The following NTNG2 variants were observed in gnomAD, a reference collection of about 807,000 sequenced individuals.
NTNG2 encodes netrin G2.
Under a neutral mutation model 47.6 loss-of-function variants are expected in NTNG2, and 15 were observed. The ratio of observed to expected loss-of-function variants is 0.32; its 90% CI spans 0.21 to 0.49. NTNG2 has a LOEUF of 0.49. NTNG2 is among the 20% of genes least tolerant of loss of function. NTNG2 has a pLI of 0.99. For synonymous variants in NTNG2, 307 were observed against 324.6 expected (o/e 0.95, Z 0.58); for missense variants, 578 against 764.6 (o/e 0.76, Z 2.88).
intron 2 of NTNG2, among the ~76,000 whole-genome samples, chr9:132,186,984 T>G (rs1484860162): frequency 1.3e-5 from 2 of 152,208 alleles, no homozygotes; most frequent in African/African-American, 4.8e-5. Flanking sequence ...CCTAAAGTGC[T>G]CCCTTTCCTC....
chr9:132,218,448 A>C lies in NTNG2; in HGVS notation c.858-8401A>C, dbSNP rs113131636. 0.012 allele frequency among the ~76,000 whole-genome samples: 1,882 copies of C among 152,072 alleles called. 28 individuals carry two copies. Among genetic ancestry groups the C allele is most frequent in the African/African-American group, 0.042 (1,735 of 41,468 alleles). On this transcript the variant is annotated intron_variant, in intron 3 of 7. Coordinates refer to ENST00000393229, the MANE Select transcript of NTNG2 (RefSeq NM_032536.4). The surrounding 1 kb of genome is among the most constrained non-coding windows in gnomAD (Gnocchi z 5.4). The stretch of plus-strand genomic sequence containing the variant: ...CACGCATCAGCTGTCTACCCAGGAG[A>C]CTTCCTTTGAGGCACAATGTGATAG...
intron 6 of NTNG2, 80 bp downstream of exon 6, chr9:132,239,351 C>T: frequency 7.0e-7 from 1 of 1,434,896 alleles, no homozygotes; most frequent in Non-Finnish European, 9.7e-7. Context: ...GCCTCTGGGG[C>T]CCCCTGCATC....
chr9:132,172,831 G>A (rs12684040), intron 2 of NTNG2, among the ~76,000 whole-genome samples: 8,408 of 146,668 alleles, frequency 0.057, 650 homozygotes, highest in African/African-American at 0.18. Flanking sequence ...CTGGGTTCAC[G>A]CCATTCTCCT....
chr9:132,195,140 T>C (rs1021708276), intron 2 of NTNG2, among the ~76,000 whole-genome samples: 14 of 152,360 alleles, frequency 9.2e-5, no homozygotes, highest in African/African-American at 3.4e-4. Flanking sequence ...ATAGACTTTA[T>C]ATTTTAAAGC....
At chr9:132,179,658 C>T (rs1387850541) in intron 2 of NTNG2, among the ~76,000 whole-genome samples, 2 of 152,330 alleles carry the variant, frequency 1.3e-5, no homozygotes, top group East Asian at 1.9e-4. Context: ...CAGAGAAAGA[C>T]GCTGTGCAAA....
In NTNG2 at chr9:132,166,570, G is replaced by A; in HGVS notation, c.-262G>A. 9.6e-6 allele frequency: 5 copies of A among 519,214 alleles called. No homozygotes were observed. The highest frequency in any genetic ancestry group is 1.8e-5 in the Non-Finnish European group (5 of 285,034). The allele number at this position is 519,214 out of a possible 1,614,324, so 32.2% of individuals were successfully genotyped here. On this transcript the variant is annotated 5_prime_UTR_variant, in exon 2 of 8. Transcript: ENST00000393229. Reference sequence around the variant, plus strand: ...CAGGGGAGGTGTGATACCAGGGTTAGGAGGACGTGAAGTTATGGGCAACTT... The same window carrying A: ...CAGGGGAGGTGTGATACCAGGGTTAAGAGGACGTGAAGTTATGGGCAACTT...
chr9:132,238,271 G>A (rs1841763892), intron 5 of NTNG2, among the ~76,000 whole-genome samples: 1 of 152,190 alleles, frequency 6.6e-6, no homozygotes, highest in Admixed American at 6.5e-5. Flanking sequence ...ATCCCTGAGA[G>A]CCTTGCCCCA....
chr9:132,172,078 G>T (rs1396832125), intron 2 of NTNG2, among the ~76,000 whole-genome samples: 2 of 152,244 alleles, frequency 1.3e-5, no homozygotes, highest in Non-Finnish European at 2.9e-5. Context: ...AGCTGGGGAA[G>T]GAGGAGGGCG....
Position 132,198,368 on chromosome 9 carries a change from A to C in NTNG2, c.616A>C (p.Lys206Gln). 1 of 1,612,994 alleles carries C rather than the reference A, an allele frequency of 6.2e-7. No individual in the cohort carries two copies. The highest frequency in any genetic ancestry group is 8.5e-7 in the Non-Finnish European group (1 of 1,179,944). Reference protein sequence around the residue: ...TEEYSRWAGSKKEKHVRFEVR... With the variant: ...TEEYSRWAGSQKEKHVRFEVR... The stretch of plus-strand genomic sequence containing the variant: ...GGAGTACTCGCGCTGGGCAGGCTCC[A>C]AGAAGGAGAAGCACGTGCGCTTCGA... The change falls in exon 3 of 8, where the codon AAG (lysine) becomes CAG (glutamine). Residue 206 changes from lysine (K) to glutamine (Q), a missense_variant. Transcript: ENST00000393229.
chr9:132,198,455 A>G lies in NTNG2; in HGVS notation c.703A>G (p.Thr235Ala). The G allele has an allele frequency of 6.2e-7, 1 of 1,610,400 alleles. No individual in the cohort carries two copies. Among genetic ancestry groups the G allele is most frequent in the South Asian group, 1.1e-5 (1 of 90,916 alleles). Residue 235 changes from threonine to alanine, a missense_variant, in exon 3 of 8, where the codon ACG (threonine) becomes GCG (alanine). By Grantham distance (58) the Thr-to-Ala change is moderately conservative. Transcript: ENST00000393229. The part of the protein sequence containing the change: ...PDLRNMDNLY[T>A]RLESAKGLKE... The stretch of plus-strand genomic sequence containing the variant: ...CCTGCGCAACATGGACAACCTCTAC[A>G]CGCGGCTGGAGAGCGCCAAGGGCCT...
intron 3 of NTNG2, among the ~76,000 whole-genome samples, chr9:132,201,338 C>T (rs1329835341): frequency 6.6e-6 from 1 of 152,190 alleles, no homozygotes; most frequent in African/African-American, 2.4e-5. Flanking sequence ...GGGGAGGAGC[C>T]GAGGTGGTGG....
chr9:132,187,551 CAG>C (rs555288818), intron 2 of NTNG2, among the ~76,000 whole-genome samples: 1 of 141,704 alleles, frequency 7.1e-6, no homozygotes, highest in Non-Finnish European at 1.5e-5. Flanking sequence ...AACACACACA[CAG>C]AGAGCGAGAG....
chr9:132,199,346 TCA>T (rs996468468), intron 3 of NTNG2, among the ~76,000 whole-genome samples: 2 of 152,150 alleles, frequency 1.3e-5, no homozygotes, highest in Admixed American at 6.5e-5. Context: ...GCTGCTATAT[TCA>T]CAGTTATGGT....
rs1000174204 is a variant in NTNG2, at chr9:132,171,884, C to T, written c.213+4840C>T. 3.3e-5 allele frequency among the ~76,000 whole-genome samples: 5 copies of T among 152,242 alleles called. No homozygotes were observed. In the East Asian group the frequency reaches 9.6e-4, roughly 29 times the overall value. ...TGTTTCTGGCCCCAGCCTCCCTCCT[C>T]TCGCCGTCACAACCCTCCAGTCGGC... On this transcript the variant is annotated intron_variant, in intron 2 of 7. Coordinates refer to ENST00000393229, the MANE Select transcript of NTNG2 (RefSeq NM_032536.4).
At chr9:132,203,201 A>T (rs569180949) in intron 3 of NTNG2, among the ~76,000 whole-genome samples, 3 of 152,192 alleles carry the variant, frequency 2.0e-5, no homozygotes, top group Non-Finnish European at 2.9e-5. Flanking sequence ...GAAGCCAGGC[A>T]TGGTGGTGTG....
intron 3 of NTNG2, among the ~76,000 whole-genome samples, chr9:132,206,669 A>C (rs1402069988): frequency 6.6e-6 from 1 of 152,264 alleles, no homozygotes; most frequent in Non-Finnish European, 1.5e-5. Context: ...TCCGTCTCAA[A>C]AAAATAAATA....
At chr9:132,190,806 T>C (rs948947203) in intron 2 of NTNG2, among the ~76,000 whole-genome samples, 1 of 152,194 alleles carries the variant, frequency 6.6e-6, no homozygotes, top group Admixed American at 6.5e-5. Flanking sequence ...AGGCTTGGCA[T>C]CTGTGTAGGA....
At chr9:132,199,130 G>A (rs1326736405) in intron 3 of NTNG2, among the ~76,000 whole-genome samples, 1 of 152,142 alleles carries the variant, frequency 6.6e-6, no homozygotes, top group Admixed American at 6.5e-5. Flanking sequence ...AGGTGCACAT[G>A]TCGGAGGAAG....
intron 2 of NTNG2, among the ~76,000 whole-genome samples, chr9:132,178,772 C>T (rs1290065901): frequency 1.4e-5 from 2 of 139,360 alleles, no homozygotes; most frequent in African/African-American, 2.8e-5. Context: ...GAAACCCCAT[C>T]TCTACTAAAA....
Sources: gnomAD v4.1 joint callset for allele counts (sites outside exome capture counted in the v4.1 genomes callset) on GRCh38, gnomAD v4.1.1 for gene constraint, Gnocchi (gnomAD v3.1) non-coding constraint, MANE v1.5 for transcripts, NCBI Gene and HGNC (gene_info 2026-07-23, HGNC 2026-07-21) for gene names.